The following SLC9C1 variants were observed in gnomAD, a reference collection of about 807,000 sequenced individuals.
SLC9C1 encodes the protein sodium/hydrogen exchanger 10.
In SLC9C1, 97 loss-of-function variants were observed where a neutral mutation model predicts 140.9. That is an observed-to-expected ratio of 0.69 (90% CI 0.58 to 0.82). SLC9C1 has a LOEUF of 0.82. Among genes scored for constraint, SLC9C1 ranks in the 40% least tolerant of loss-of-function variants. The pLI, the probability that SLC9C1 is intolerant of heterozygous loss-of-function variation, is 0.00. For synonymous variants in SLC9C1, 440 were observed against 442.6 expected, an observed-to-expected ratio of 0.99 and a Z score of 0.07; for missense variants, 1,340 against 1,389.3, an observed-to-expected ratio of 0.96 and a Z score of 0.56.
chr3:112,171,507 C>G (rs2077247072), intron 23 of SLC9C1, among the ~76,000 whole-genome samples: 1 of 152,126 alleles, frequency 6.6e-6, no homozygotes, highest in East Asian at 1.9e-4. Context: ...ATTCTATTAT[C>G]AAATCCTTTT....
chr3:112,184,761 C>A (rs537140145), intron 20 of SLC9C1, among the ~76,000 whole-genome samples: 35 of 152,320 alleles, frequency 2.3e-4, no homozygotes, highest in South Asian at 1.7e-3. Flanking sequence ...CCAGCCGGAC[C>A]CCCTGAGGCT....
At chr3:112,182,319 C>T in intron 20 of SLC9C1, 61 bp from the exon 21 acceptor site, 3 of 1,520,058 alleles carry the variant, frequency 2.0e-6, no homozygotes, top group Non-Finnish European at 2.6e-6. Flanking sequence ...ATGTTTAAGG[C>T]AGACAGGTCT....
intron 10 of SLC9C1, among the ~76,000 whole-genome samples, chr3:112,245,941 T>G (rs2079271522): frequency 1.3e-5 from 2 of 152,202 alleles, no homozygotes; most frequent in South Asian, 4.1e-4. Context: ...TATCCATCTC[T>G]TGATACTTAG....
chr3:112,204,010 T>C (rs533441700), intron 17 of SLC9C1, among the ~76,000 whole-genome samples: 14 of 152,094 alleles, frequency 9.2e-5, no homozygotes, highest in African/African-American at 2.6e-4. Context: ...GTCTATACTT[T>C]CACATGCTAA....
intron 18 of SLC9C1, among the ~76,000 whole-genome samples, chr3:112,201,924 C>T (rs1386131541): frequency 2.6e-5 from 4 of 151,936 alleles, no homozygotes; most frequent in Non-Finnish European, 4.4e-5. Flanking sequence ...TCTCACCTTC[C>T]AGTACTTCCT....
At position 112,240,295 on chromosome 3, in the gene SLC9C1, C is replaced by A. The variant is rs143748133; in HGVS notation, c.1280-289G>T. On this transcript the variant is annotated intron_variant, in intron 11 of 28. Transcript: ENST00000305815. ...TGCATTAAGTTTTTGGTTATTTGGC[C>A]ACCTTTTGAGGTGAGTCCTTTTTCC... is the stretch of plus-strand genomic sequence containing the variant. 1.8e-4 allele frequency among the ~76,000 whole-genome samples: 27 copies of A among 152,274 alleles called. 1 individual carries two copies. In the East Asian group the frequency reaches 5.2e-3, roughly 29 times the overall value.
At chr3:112,271,627 T>C (rs2080081047) in intron 6 of SLC9C1, among the ~76,000 whole-genome samples, 1 of 152,090 alleles carries the variant, frequency 6.6e-6, no homozygotes, top group South Asian at 2.1e-4. Flanking sequence ...TTAAGGAATT[T>C]ATTCAGTGCC....
chr3:112,163,950 G>T (rs1428473720), intron 26 of SLC9C1, among the ~76,000 whole-genome samples: 1 of 152,134 alleles, frequency 6.6e-6, no homozygotes, highest in Non-Finnish European at 1.5e-5. Flanking sequence ...ATGAATCTGG[G>T]TGCACTTGTG....
In SLC9C1 at chr3:112,221,036, C is replaced by A. The variant is rs1003880539; in HGVS notation, c.1670+92G>T. 5 of 991,602 alleles carry A rather than the reference C, an allele frequency of 5.0e-6. No individual in the cohort carries two copies. In the African/African-American group the frequency reaches 8.1e-5, roughly 16 times the overall value. 61.4% of individuals were successfully genotyped at this position (991,602 alleles called of 1,614,324 possible). A position where few individuals can be genotyped will look rare whatever the true frequency, so the allele number is the denominator to read the frequency against. Reference sequence around the variant, plus strand: ...TATTAATATTAATAGTAGAGGGAGCCAAGTTACCAGACAAAAACAAGAAAA... The same window carrying A: ...TATTAATATTAATAGTAGAGGGAGCAAAGTTACCAGACAAAAACAAGAAAA... On this transcript the variant is annotated intron_variant, in intron 14 of 28. Transcript: ENST00000305815.
intron 18 of SLC9C1, 87 bp from the exon 19 acceptor site, chr3:112,200,849 T>A: frequency 1.7e-6 from 2 of 1,186,116 alleles, no homozygotes; most frequent in Admixed American, 2.2e-5. Flanking sequence ...ATTTTTAACC[T>A]AAGTTAATAG....
intron 23 of SLC9C1, among the ~76,000 whole-genome samples, chr3:112,173,154 A>C (rs2077275766): frequency 6.6e-6 from 1 of 152,206 alleles, no homozygotes; most frequent in African/African-American, 2.4e-5. Context: ...GATAAAACTC[A>C]TCAGTAAAAC....
At chr3:112,193,218 A>G (rs971586677) in intron 20 of SLC9C1, among the ~76,000 whole-genome samples, 2 of 152,216 alleles carry the variant, frequency 1.3e-5, no homozygotes, top group African/African-American at 4.8e-5. Flanking sequence ...GGGCACATGC[A>G]TGCACATGAC....
intron 28 of SLC9C1, among the ~76,000 whole-genome samples, chr3:112,150,446 T>C (rs1443146897): frequency 6.6e-6 from 1 of 152,090 alleles, no homozygotes; most frequent in Admixed American, 6.5e-5. Context: ...TCACTCACTT[T>C]TATGAGGTAG....
chr3:112,260,661 AC>A (rs2079747385), intron 10 of SLC9C1, among the ~76,000 whole-genome samples: 1 of 152,124 alleles, frequency 6.6e-6, no homozygotes, highest in Admixed American at 6.6e-5. Context: ...GGTCTAAAAT[AC>A]ACATTTCTTT....
At chr3:112,253,953 G>A (rs1246576238) in intron 10 of SLC9C1, among the ~76,000 whole-genome samples, 1 of 152,136 alleles carries the variant, frequency 6.6e-6, no homozygotes, top group African/African-American at 2.4e-5. Flanking sequence ...GTTATTGCCA[G>A]TATTAACAGC....
intron 14 of SLC9C1, 103 bp from the exon 15 acceptor site, chr3:112,217,664 A>C: frequency 9.7e-7 from 1 of 1,026,614 alleles, no homozygotes; most frequent in Non-Finnish European, 1.3e-6. Context: ...TTTTGCACAA[A>C]ACAGGAAGAC....
intron 16 of SLC9C1, among the ~76,000 whole-genome samples, chr3:112,205,958 T>G (rs1279544133): frequency 9.3e-6 from 1 of 107,742 alleles, no homozygotes; most frequent in Non-Finnish European, 2.0e-5. Context: ...ACTTCATGTC[T>G]AAAACACCAA....
chr3:112,199,615 G>T, intron 19 of SLC9C1, 146 bp from the exon 20 acceptor site: 1 of 548,868 alleles, frequency 1.8e-6, no homozygotes, highest in Non-Finnish European at 2.9e-6. Context: ...GGGCCACTAT[G>T]ATCAATCATA....
chr3:112,170,978 C>T (rs1576263709), intron 23 of SLC9C1, among the ~76,000 whole-genome samples: 1 of 152,308 alleles, frequency 6.6e-6, no homozygotes, highest in South Asian at 2.1e-4. Context: ...CTTTGGGAGG[C>T]TGAGGCGGGC....
Sources: gnomAD v4.1 joint callset for allele counts (sites outside exome capture counted in the v4.1 genomes callset) on GRCh38, gnomAD v4.1.1 for gene constraint, MANE v1.5 for transcripts, NCBI Gene and HGNC (gene_info 2026-07-23, HGNC 2026-07-21) for gene names.